The following FHIT variants were observed in gnomAD, a reference collection of about 807,000 sequenced individuals.
The protein encoded by FHIT is bis(5'-adenosyl)-triphosphatase.
In FHIT, 19 loss-of-function variants were observed where a neutral mutation model predicts 17.9. The ratio of observed to expected loss-of-function variants is 1.06; its 90% CI spans 0.74 to 1.56. The LOEUF is 1.56. FHIT is among the 40% of genes most tolerant of loss of function. The pLI, the probability that FHIT is intolerant of heterozygous loss-of-function variation, is 0.00. For missense variants in FHIT, 248 were observed against 189.2 expected (o/e 1.31, Z -1.82); for synonymous variants, 81 against 69.7 (o/e 1.16, Z -0.81).
intron 5 of FHIT, among the ~76,000 whole-genome samples, chr3:60,088,144 T>G (rs1385763978): frequency 4.6e-5 from 7 of 152,160 alleles, no homozygotes; most frequent in Non-Finnish European, 8.8e-5. Context: ...TGCTAGTCTC[T>G]TTTCAACAAT....
chr3:61,007,248 G>T (rs777234982), intron 3 of FHIT, among the ~76,000 whole-genome samples: 2 of 152,140 alleles, frequency 1.3e-5, no homozygotes, highest in African/African-American at 2.4e-5. Context: ...CACAAAGTTA[G>T]ACCCTGTCAT....
intron 2 of FHIT, among the ~76,000 whole-genome samples, chr3:61,104,539 T>C (rs1414500058): frequency 6.6e-6 from 1 of 152,206 alleles, no homozygotes; most frequent in East Asian, 1.9e-4. Context: ...CTGACGATTA[T>C]GTGTTTTGGG....
intron 5 of FHIT, among the ~76,000 whole-genome samples, chr3:60,225,333 T>A (rs1238924637): frequency 6.6e-6 from 1 of 152,044 alleles, no homozygotes; most frequent in South Asian, 2.1e-4. Flanking sequence ...GGCAAACTCT[T>A]ACTGTCCTGC....
chr3:60,629,311 C>A (rs1231253678), intron 4 of FHIT, among the ~76,000 whole-genome samples: 2 of 152,212 alleles, frequency 1.3e-5, no homozygotes, highest in Non-Finnish European at 2.9e-5. Flanking sequence ...TGACATGCTA[C>A]AGACTCTCAT....
chr3:61,042,675 C>T (rs1017278196), intron 2 of FHIT, among the ~76,000 whole-genome samples: 5 of 151,840 alleles, frequency 3.3e-5, no homozygotes, highest in Admixed American at 2.6e-4. Context: ...CCTGTCTCTA[C>T]TAAAAATACA....
intron 8 of FHIT, among the ~76,000 whole-genome samples, chr3:59,883,399 T>C (rs56010440): frequency 0.026 from 4,025 of 152,256 alleles, 53 homozygotes; most frequent in South Asian, 0.064. Context: ...ACAATCATGG[T>C]AGAAGGTGAA....
chr3:60,658,799 A>G (rs994725740), intron 4 of FHIT, among the ~76,000 whole-genome samples: 3 of 152,148 alleles, frequency 2.0e-5, no homozygotes. Flanking sequence ...AAGCATTATT[A>G]CAATAATACT....
intron 4 of FHIT, among the ~76,000 whole-genome samples, chr3:60,724,403 T>C (rs1331572942): frequency 1.3e-5 from 2 of 152,230 alleles, no homozygotes; most frequent in Non-Finnish European, 2.9e-5. Flanking sequence ...TTGTATTGTT[T>C]CTACTTTTTG....
chr3:60,201,880 C>T (rs1025408296), intron 5 of FHIT, among the ~76,000 whole-genome samples: 1 of 151,320 alleles, frequency 6.6e-6, no homozygotes, highest in Non-Finnish European at 1.5e-5. Flanking sequence ...TTTAGAAATT[C>T]TTGATTGAAT....
chr3:59,894,455 T>C lies in FHIT; in HGVS notation c.348+27891A>G, dbSNP rs760446064. Among the ~76,000 whole-genome samples, 22 of 152,234 alleles carry C rather than the reference T, an allele frequency of 1.4e-4. 1 individual carries two copies. The highest frequency in any genetic ancestry group is 2.4e-4 in the African/African-American group (10 of 41,462). On this transcript the variant is annotated intron_variant, in intron 8 of 9. Coordinates refer to ENST00000492590, the MANE Select transcript of FHIT (RefSeq NM_002012.4). ...GAGGACTAATTGCCATTGTTGCTAATTGGCATTGCAGAGTAGAGTTGTGGC... is the reference window on the plus strand; with the variant it reads ...GAGGACTAATTGCCATTGTTGCTAACTGGCATTGCAGAGTAGAGTTGTGGC...
At chr3:61,156,307 T>C (rs1156366638) in intron 2 of FHIT, among the ~76,000 whole-genome samples, 1 of 152,162 alleles carries the variant, frequency 6.6e-6, no homozygotes, top group Non-Finnish European at 1.5e-5. Context: ...CTAACTCATA[T>C]ACCTACCATT....
chr3:60,572,793 T>C (rs1576905069), intron 4 of FHIT, among the ~76,000 whole-genome samples: 1 of 152,248 alleles, frequency 6.6e-6, no homozygotes, highest in African/African-American at 2.4e-5. Context: ...CAGGGGTTAA[T>C]GTTGGCTGGG....
At chr3:60,759,057 G>A (rs1553719037) in intron 4 of FHIT, among the ~76,000 whole-genome samples, 1 of 152,142 alleles carries the variant, frequency 6.6e-6, no homozygotes, top group Non-Finnish European at 1.5e-5. Context: ...TTGAGTACCA[G>A]TAGAAGGCCA....
chr3:60,109,536 C>T (rs1576119118), intron 5 of FHIT, among the ~76,000 whole-genome samples: 1 of 152,112 alleles, frequency 6.6e-6, no homozygotes, highest in African/African-American at 2.4e-5. Flanking sequence ...GGTTTATGTT[C>T]CAAAGGCCTC....
chr3:59,988,477 T>A (rs911586820), intron 7 of FHIT, among the ~76,000 whole-genome samples: 2 of 152,124 alleles, frequency 1.3e-5, no homozygotes, highest in African/African-American at 4.8e-5. Context: ...AATCACAGTA[T>A]CTCATTCATC....
chr3:60,553,929 T>C (rs569535921), intron 4 of FHIT, among the ~76,000 whole-genome samples: 1 of 151,982 alleles, frequency 6.6e-6, no homozygotes, highest in South Asian at 2.1e-4. Context: ...CTACTAAAAA[T>C]ACAGAAAATT....
chr3:60,905,915 T>G (rs1385578863), intron 3 of FHIT, among the ~76,000 whole-genome samples: 1 of 152,102 alleles, frequency 6.6e-6, no homozygotes, highest in African/African-American at 2.4e-5. Context: ...AGTTTTGACT[T>G]GAACCAGGTA....
intron 3 of FHIT, among the ~76,000 whole-genome samples, chr3:61,015,688 A>C (rs2107634186): frequency 6.6e-6 from 1 of 152,300 alleles, no homozygotes; most frequent in African/African-American, 2.4e-5. Flanking sequence ...AAGAACATGA[A>C]GGAATGTGGT....
intron 5 of FHIT, among the ~76,000 whole-genome samples, chr3:60,456,873 G>T (rs932321849): frequency 3.9e-5 from 6 of 152,136 alleles, no homozygotes; most frequent in Non-Finnish European, 8.8e-5. Flanking sequence ...CAATTTACAA[G>T]AGAGGTGAAG....
Sources: allele counts gnomAD v4.1 joint callset (sites outside exome capture counted in the v4.1 genomes callset), GRCh38; gene constraint gnomAD v4.1.1; transcripts MANE v1.5; gene names NCBI Gene and HGNC (gene_info 2026-07-23, HGNC 2026-07-21).